AFDN: variants seen among roughly 807,000 people sequenced by gnomAD.
AFDN encodes afadin, adherens junction formation factor, also known as afadin.
AFDN carries 68 observed loss-of-function variants against 216.6 expected under a neutral mutation model. That is an observed-to-expected ratio of 0.31 (90% CI 0.26 to 0.38). The LOEUF is 0.38. Ranked by LOEUF, AFDN falls within the 10% of genes least tolerant of loss-of-function variation. The pLI, the probability that AFDN is intolerant of heterozygous loss-of-function variation, is 1.00. For missense variants in AFDN, 2,136 were observed against 2,342.0 expected (o/e 0.91, Z 1.82); for synonymous variants, 868 against 853.7 (o/e 1.02, Z -0.29).
chr6:167,833,730 G>A (rs961544623), intron 1 of AFDN, among the ~76,000 whole-genome samples: 1 of 151,900 alleles, frequency 6.6e-6, no homozygotes, highest in Admixed American at 6.6e-5. Flanking sequence ...CTTTGACTTC[G>A]GTTCTGTATG....
chr6:167,916,514 C>T (rs915242010), intron 19 of AFDN, among the ~76,000 whole-genome samples: 1 of 152,128 alleles, frequency 6.6e-6, no homozygotes, highest in African/African-American at 2.4e-5. Flanking sequence ...TGATAATTAA[C>T]CCTCAAGAAT....
intron 6 of AFDN, among the ~76,000 whole-genome samples, chr6:167,886,897 C>A (rs1180882797): frequency 2.0e-5 from 3 of 151,902 alleles, no homozygotes; most frequent in Non-Finnish European, 4.4e-5. Context: ...CACCTGTAAT[C>A]CCAGCTACTC....
Position 167,910,954 on chromosome 6 carries a change from A to T in AFDN, c.1770-147A>T, listed in dbSNP as rs565458106. The T allele has an allele frequency of 1.3e-5, 9 of 683,046 alleles. No individual in the cohort carries two copies. The East Asian group carries it at 2.4e-4, about 18-fold the overall frequency. The allele number at this position is 683,046 out of a possible 1,614,324, so 42.3% of individuals were successfully genotyped here. A position where few individuals can be genotyped will look rare whatever the true frequency, so the allele number is the denominator to read the frequency against. On this transcript the variant is annotated intron_variant, in intron 13 of 33. Transcript: ENST00000683244. Reference sequence around the variant, plus strand: ...CCAATGCATTATTTGATTAGGCTACATCTGAAAACAAGGGATATTTTATTA... The same window carrying T: ...CCAATGCATTATTTGATTAGGCTACTTCTGAAAACAAGGGATATTTTATTA...
chr6:167,841,755 A>AT (rs926142674), intron 1 of AFDN, among the ~76,000 whole-genome samples: 27 of 149,510 alleles, frequency 1.8e-4, no homozygotes, highest in African/African-American at 5.9e-4. Context: ...TATGTTGCTA[A>AT]TTTTTTTTTT....
In AFDN at chr6:167,969,646, G is replaced by T. The variant is rs768772773; in HGVS notation, c.5343-136G>T. ...GTTTAAATACAGCCCCTGTGATTTC[G>T]ATTATAAGAAAGGTTATAGCACAAT... On this transcript the variant is annotated intron_variant, in intron 33 of 33. Transcript: ENST00000683244. 3.8e-6 allele frequency: 3 copies of T among 788,158 alleles called. No individual in the cohort carries two copies. In the African/African-American group the frequency reaches 5.4e-5, roughly 14 times the overall value. 48.8% of individuals were successfully genotyped at this position (788,158 alleles called of 1,614,324 possible).
chr6:167,890,822 A>G, intron 7 of AFDN, 40 bp from the exon 8 acceptor site: 1 of 1,601,562 alleles, frequency 6.2e-7, no homozygotes, highest in Non-Finnish European at 8.5e-7. Flanking sequence ...ATCCTGACCA[A>G]CCTGAGTCTG....
intron 9 of AFDN, among the ~76,000 whole-genome samples, chr6:167,894,275 T>G (rs1432696448): frequency 3.9e-5 from 6 of 152,088 alleles, no homozygotes; most frequent in Non-Finnish European, 8.8e-5. Context: ...TAGGAAAACT[T>G]TCTGGTAGCA....
chr6:167,956,395 C>T (rs981111341), intron 30 of AFDN, among the ~76,000 whole-genome samples: 1 of 152,114 alleles, frequency 6.6e-6, no homozygotes, highest in Non-Finnish European at 1.5e-5. Flanking sequence ...TGCCTGCACT[C>T]GTTTCTGCTC....
At chr6:167,950,834 A>C (rs1329547595) in intron 29 of AFDN, among the ~76,000 whole-genome samples, 1 of 151,156 alleles carries the variant, frequency 6.6e-6, no homozygotes, top group Non-Finnish European at 1.5e-5. Context: ...GCAGAGAGAA[A>C]GTACAGCTTT....
chr6:167,904,343 A>G (rs559529685), intron 12 of AFDN, among the ~76,000 whole-genome samples: 1 of 151,946 alleles, frequency 6.6e-6, no homozygotes, highest in South Asian at 2.1e-4. Flanking sequence ...TGCGTAGCGG[A>G]GATTACAGGC....
intron 1 of AFDN, among the ~76,000 whole-genome samples, chr6:167,857,440 C>G (rs912130767): frequency 1.3e-5 from 2 of 151,950 alleles, no homozygotes; most frequent in African/African-American, 4.8e-5. Context: ...CAGATTTTTG[C>G]CAAGCAGGAG....
chr6:167,838,170 T>TA (rs1780655634), intron 1 of AFDN, among the ~76,000 whole-genome samples: 1 of 152,322 alleles, frequency 6.6e-6, no homozygotes, highest in South Asian at 2.1e-4. Flanking sequence ...AATGAGGAGT[T>TA]CAGTGAAGAA....
chr6:167,902,968 C>A (rs1235548293), intron 12 of AFDN, among the ~76,000 whole-genome samples: 1 of 152,166 alleles, frequency 6.6e-6, no homozygotes, highest in Admixed American at 6.5e-5. Flanking sequence ...GAAGCAGAGC[C>A]TTCATGTTTG....
chr6:167,926,204 C>T (rs1026951672), intron 23 of AFDN, among the ~76,000 whole-genome samples: 4 of 152,174 alleles, frequency 2.6e-5, no homozygotes, highest in African/African-American at 7.2e-5. Flanking sequence ...AAGCTTTCAC[C>T]GAAGCTTTTT....
Position 167,969,878 on chromosome 6 carries a change from TAA to T in AFDN, c.5441_5442del (p.Lys1814SerfsTer6). On this transcript the variant is annotated frameshift_variant, in exon 34 of 34. Transcript: ENST00000683244. LOFTEE classifies it high-confidence loss of function. ...LFSQGQDVSN[K>X]VKASRKLTEL... ...TTTCACAAGGTCAAGATGTATCCAA[TAA>T]AGTGAAAGCTTCTCGTAAATTAACA... The T allele has an allele frequency of 6.2e-7, 1 of 1,612,474 alleles. No homozygotes were observed. Among genetic ancestry groups the T allele is most frequent in the Non-Finnish European group, 8.5e-7 (1 of 1,179,492 alleles).
At chr6:167,902,612 A>G (rs1440016677) in intron 12 of AFDN, among the ~76,000 whole-genome samples, 1 of 152,254 alleles carries the variant, frequency 6.6e-6, no homozygotes, top group African/African-American at 2.4e-5. Context: ...GCACACTAAG[A>G]CATTAACAAC....
Position 167,870,489 on chromosome 6 carries a change from T to A in AFDN, c.405T>A (p.Ile135=). The stretch of plus-strand genomic sequence containing the variant: ...TTCTTAAGAATGAGAATGACGCCAT[T>A]CCTCCTAAGGTAGGAACCCTCAGTA... ...RFVLKNENDA[I]PPKKAQSNGP... Residue 135 remains isoleucine, a synonymous_variant, in exon 3 of 34, where the codon ATT becomes ATA. Transcript: ENST00000683244. 1 of 1,606,760 alleles carries A rather than the reference T, an allele frequency of 6.2e-7. No homozygotes were observed. Among genetic ancestry groups the A allele is most frequent in the Non-Finnish European group, 8.5e-7 (1 of 1,174,806 alleles).
Position 167,914,125 on chromosome 6 carries a change from T to G in AFDN, c.2059-43T>G, listed in dbSNP as rs373190309. On this transcript the variant is annotated intron_variant, in intron 16 of 33. Transcript: ENST00000683244. The stretch of plus-strand genomic sequence containing the variant: ...GCATTCCTTTATATTTTTATTACTT[T>G]TGTTTATTCTCTGTTGCTTATGGAA... 353 of 1,604,292 alleles carry G rather than the reference T, an allele frequency of 2.2e-4. 6 individuals are homozygous for G. In the South Asian group the frequency reaches 3.7e-3, roughly 17 times the overall value.
intron 1 of AFDN, among the ~76,000 whole-genome samples, chr6:167,839,269 CTGATGCCTA>C (rs892406798): frequency 6.6e-6 from 1 of 151,972 alleles, no homozygotes; most frequent in African/African-American, 2.4e-5. Context: ...TTTTCATGAA[CTGATGCCTA>C]TGAACAGCAA....
Sources: gnomAD v4.1 joint callset for allele counts (sites outside exome capture counted in the v4.1 genomes callset) on GRCh38, gnomAD v4.1.1 for gene constraint, MANE v1.5 for transcripts, NCBI Gene and HGNC (gene_info 2026-07-23, HGNC 2026-07-21) for gene names.